CMSS1: variants seen among roughly 807,000 people sequenced by gnomAD.
CMSS1 encodes protein CMSS1.
In CMSS1, 33 loss-of-function variants were observed where a neutral mutation model predicts 43.5. That is an observed-to-expected ratio of 0.76 (90% CI 0.57 to 1.01). CMSS1 has a LOEUF of 1.01. Ranked by LOEUF, CMSS1 falls within the 50% of genes least tolerant of loss-of-function variation. The pLI, the probability that CMSS1 is intolerant of heterozygous loss-of-function variation, is 0.00. For synonymous variants in CMSS1, 115 were observed against 117.2 expected (o/e 0.98, Z 0.12); for missense variants, 313 against 326.4 (o/e 0.96, Z 0.32).
chr3:100,058,787 A>C (rs1186561918), intron 1 of CMSS1, among the ~76,000 whole-genome samples: 4 of 152,236 alleles, frequency 2.6e-5, no homozygotes, highest in African/African-American at 9.6e-5. Context: ...TAGAACACTG[A>C]GTTAAGCCAT....
intron 1 of CMSS1, among the ~76,000 whole-genome samples, chr3:99,881,575 C>A (rs1047085255): frequency 6.6e-6 from 1 of 151,840 alleles, no homozygotes; most frequent in East Asian, 1.9e-4. Flanking sequence ...CTCTGTTGCC[C>A]AGATTGGAGT....
chr3:100,163,896 C>A (rs2067045887), intron 4 of CMSS1, among the ~76,000 whole-genome samples: 1 of 151,428 alleles, frequency 6.6e-6, no homozygotes, highest in Admixed American at 6.6e-5. Flanking sequence ...GGCTTGATTT[C>A]CGTTTTCCAT....
At chr3:99,850,476 A>G (rs1435505851) in intron 1 of CMSS1, 10 of 1,613,746 alleles carry the variant, frequency 6.2e-6, no homozygotes, top group African/African-American at 2.7e-5. Flanking sequence ...CAAGCCTCTT[A>G]TTGAGATCTC....
intron 1 of CMSS1, among the ~76,000 whole-genome samples, chr3:99,827,470 G>C (rs1316575162): frequency 6.6e-6 from 1 of 152,148 alleles, no homozygotes; most frequent in Non-Finnish European, 1.5e-5. Context: ...GGGATTACAG[G>C]TGTGAGTCAC....
At chr3:99,825,154 G>T (rs924206765) in intron 1 of CMSS1, among the ~76,000 whole-genome samples, 1 of 152,210 alleles carries the variant, frequency 6.6e-6, no homozygotes, top group East Asian at 1.9e-4. Context: ...TGGAATATTT[G>T]TAGGAGATGT....
intron 1 of CMSS1, among the ~76,000 whole-genome samples, chr3:100,062,414 C>G (rs2065589320): frequency 6.6e-6 from 1 of 152,028 alleles, no homozygotes; most frequent in South Asian, 2.1e-4. Flanking sequence ...CCCGGTCTAT[C>G]CTGTCTTCTT....
intron 1 of CMSS1, among the ~76,000 whole-genome samples, chr3:100,093,790 A>G (rs2066155180): frequency 6.6e-6 from 1 of 152,258 alleles, no homozygotes; most frequent in Admixed American, 6.5e-5. Context: ...ATATAAATAG[A>G]ATCATACAAC....
At chr3:99,882,370 CTG>C (rs1477131549) in intron 1 of CMSS1, among the ~76,000 whole-genome samples, 1 of 152,166 alleles carries the variant, frequency 6.6e-6, no homozygotes, top group Non-Finnish European at 1.5e-5. Flanking sequence ...CAAAATAAAA[CTG>C]TCTCATATAA....
chr3:100,010,114 GTC>G, intron 1 of CMSS1: 4 of 941,710 alleles, frequency 4.2e-6, no homozygotes, highest in Non-Finnish European at 5.1e-6. Context: ...TTTTCTTTCT[GTC>G]TCTCTTATTT....
intron 1 of CMSS1, among the ~76,000 whole-genome samples, chr3:100,031,981 A>G (rs1011066005): frequency 2.0e-5 from 3 of 152,052 alleles, no homozygotes; most frequent in Admixed American, 6.5e-5. Context: ...TTTTTCATGC[A>G]TCATGAAAAA....
intron 1 of CMSS1, chr3:99,833,337 A>G (rs1942763889): frequency 1.5e-6 from 2 of 1,290,742 alleles, no homozygotes; most frequent in Non-Finnish European, 1.1e-6. Flanking sequence ...TGTTTTATCC[A>G]TAGATTCTCA....
chr3:99,912,437 C>T (rs919106961), intron 1 of CMSS1, among the ~76,000 whole-genome samples: 3 of 152,252 alleles, frequency 2.0e-5, no homozygotes, highest in Middle Eastern at 3.4e-3. Context: ...AGTATAATGG[C>T]GTGATCTCGG....
At chr3:99,827,059 A>G (rs1025973783) in intron 1 of CMSS1, among the ~76,000 whole-genome samples, 2 of 152,216 alleles carry the variant, frequency 1.3e-5, no homozygotes, top group African/African-American at 4.8e-5. Context: ...TATAGGTCAG[A>G]CATTACTGTT....
chr3:99,930,981 T>C, intron 1 of CMSS1: 3 of 1,613,922 alleles, frequency 1.9e-6, no homozygotes, highest in Non-Finnish European at 2.5e-6. Context: ...GGAAATTTCT[T>C]TTGGGCTGAG....
chr3:100,068,370 GTGT>G, intron 1 of CMSS1, among the ~76,000 whole-genome samples: 1 of 152,100 alleles, frequency 6.6e-6, no homozygotes, highest in East Asian at 1.9e-4. Flanking sequence ...GTGTGTGTGT[GTGT>G]GTGTGTGTGT....
chr3:100,029,119 A>G (rs1358296986), intron 1 of CMSS1, among the ~76,000 whole-genome samples: 2 of 152,036 alleles, frequency 1.3e-5, no homozygotes. Context: ...TGAGCTCAGG[A>G]GTTCCAAGCC....
At chr3:100,135,485 T>TGTGTGTGTGC (rs1300364816) in intron 1 of CMSS1, among the ~76,000 whole-genome samples, 3 of 143,780 alleles carry the variant, frequency 2.1e-5, no homozygotes, top group African/African-American at 7.8e-5. Context: ...TGTGTGTGTG[T>TGTGTGTGTGC]GTGTGTTTAA....
chr3:99,894,677 C>T (rs191498212), intron 1 of CMSS1, among the ~76,000 whole-genome samples: 223 of 152,184 alleles, frequency 1.5e-3, no homozygotes, highest in Non-Finnish European at 2.7e-3. Context: ...CTCATAAAAA[C>T]GATATTATTA....
intron 2 of CMSS1, among the ~76,000 whole-genome samples, chr3:100,160,202 A>T (rs1345445802): frequency 6.6e-6 from 1 of 152,220 alleles, no homozygotes; most frequent in African/African-American, 2.4e-5. Flanking sequence ...TCTTGCTCAA[A>T]GATTCTCCAG....
Sources: allele counts gnomAD v4.1 joint callset (sites outside exome capture counted in the v4.1 genomes callset), GRCh38; gene constraint gnomAD v4.1.1; transcripts MANE v1.5; gene names NCBI Gene and HGNC (gene_info 2026-07-23, HGNC 2026-07-21).